AHI1: variants seen among roughly 807,000 people sequenced by gnomAD.
AHI1 encodes the protein jouberin.
In AHI1, 123 loss-of-function variants were observed where a neutral mutation model predicts 149.3. The observed-to-expected ratio is 0.82, with a 90% CI of 0.71 to 0.96. The LOEUF (loss-of-function observed/expected upper bound fraction) is 0.96, where lower values mean the gene tolerates loss of function less well. Among genes scored for constraint, AHI1 ranks in the 40% least tolerant of loss-of-function variants. AHI1 has a pLI of 0.00. For missense variants in AHI1, 1,439 were observed against 1,422.7 expected (o/e 1.01, Z -0.18); for synonymous variants, 475 against 459.8 (o/e 1.03, Z -0.42).
At chr6:135,302,097 T>C in intron 26 of AHI1, 1 of 975,838 alleles carries the variant, frequency 1.0e-6, no homozygotes. Context: ...GCTCAAGCAA[T>C]CCTCCCGCCT....
In AHI1 at chr6:135,284,928, G is replaced by A. The variant is rs551011018; in HGVS notation, c.*717C>T. On this transcript the variant is annotated 3_prime_UTR_variant, in exon 29 of 29. Transcript: ENST00000265602. ...GAGTCTTGCTCTGTCCCCCAGGCTG[G>A]AGTGCAATGGCGTGATCTTGGCTCA... 2 of 152,372 alleles carry A rather than the reference G, an allele frequency of 1.3e-5. No homozygotes were observed. Among genetic ancestry groups the A allele is most frequent in the South Asian group, 4.2e-4 (2 of 4,808 alleles). The allele number at this position is 152,372 out of a possible 1,614,324, so 9.4% of individuals were successfully genotyped here.
intron 23 of AHI1, among the ~76,000 whole-genome samples, chr6:135,380,849 AT>A (rs1776666821): frequency 6.7e-6 from 1 of 150,256 alleles, no homozygotes; most frequent in African/African-American, 2.4e-5. Flanking sequence ...GTGTGAACCC[AT>A]TTTTTCCAGG....
intron 24 of AHI1, among the ~76,000 whole-genome samples, chr6:135,355,626 C>T (rs774279944): frequency 2.0e-5 from 3 of 152,100 alleles, no homozygotes; most frequent in African/African-American, 7.2e-5. Flanking sequence ...ATCGGCTGGG[C>T]GCGGTGGCTC....
chr6:135,419,677 TGGAA>T (rs534363135), intron 20 of AHI1, among the ~76,000 whole-genome samples: 7 of 152,260 alleles, frequency 4.6e-5, no homozygotes, highest in Middle Eastern at 3.4e-3. Flanking sequence ...TTTTTGCTGA[TGGAA>T]GGTCTTGCTT....
chr6:135,341,363 G>T (rs778636222), intron 24 of AHI1, among the ~76,000 whole-genome samples: 27 of 151,784 alleles, frequency 1.8e-4, no homozygotes, highest in Non-Finnish European at 3.4e-4. Context: ...GACAAAGAAG[G>T]ACATTGTATA....
At chr6:135,286,837 T>C (rs999528926) in intron 28 of AHI1, among the ~76,000 whole-genome samples, 1 of 152,056 alleles carries the variant, frequency 6.6e-6, no homozygotes, top group South Asian at 2.1e-4. Context: ...AAGTTGAGTA[T>C]AAAAATGGTA....
chr6:135,392,302 CAAAGA>C (rs1351944637), intron 23 of AHI1, among the ~76,000 whole-genome samples: 1 of 152,096 alleles, frequency 6.6e-6, no homozygotes, highest in African/African-American at 2.4e-5. Flanking sequence ...GAATACAAAT[CAAAGA>C]AGAGAGAAAT....
At position 135,361,648 on chromosome 6, in the gene AHI1, C is replaced by T. The variant is rs59676634; in HGVS notation, c.3110-3461G>A. 0.01 allele frequency among the ~76,000 whole-genome samples: 103 copies of T among 9,848 alleles called. 1 individual carries two copies. In the African/African-American group the frequency reaches 0.13, roughly 12 times the overall value. 6.5% of individuals were successfully genotyped at this position (9,848 alleles called of 152,430 possible). On this transcript the variant is annotated intron_variant, in intron 23 of 28. Coordinates refer to ENST00000265602, the MANE Select transcript of AHI1 (RefSeq NM_001134831.2). ...CAGGAGGTACCTAGGTATGGTTTCACACACACACACACACACACACACACA... is the reference window on the plus strand; with the variant it reads ...CAGGAGGTACCTAGGTATGGTTTCATACACACACACACACACACACACACA...
chr6:135,353,879 G>A (rs779940177), intron 24 of AHI1, among the ~76,000 whole-genome samples: 5 of 152,090 alleles, frequency 3.3e-5, no homozygotes, highest in Non-Finnish European at 7.4e-5. Flanking sequence ...AGAAAACTTT[G>A]AAGAAAGGTA....
chr6:135,362,014 A>G (rs1253400274), intron 23 of AHI1, among the ~76,000 whole-genome samples: 2 of 152,090 alleles, frequency 1.3e-5, no homozygotes, highest in Non-Finnish European at 2.9e-5. Flanking sequence ...CCAAGTCCCC[A>G]AAGTCCTTAG....
At chr6:135,460,774 AAC>A (rs1001997175) in intron 8 of AHI1, among the ~76,000 whole-genome samples, 50 of 152,338 alleles carry the variant, frequency 3.3e-4, no homozygotes, top group African/African-American at 1.2e-3. Context: ...ATCCACATGT[AAC>A]ACAGTCATGT....
intron 23 of AHI1, among the ~76,000 whole-genome samples, chr6:135,394,221 G>C (rs574052466): frequency 2.5e-4 from 38 of 152,116 alleles, no homozygotes; most frequent in African/African-American, 8.4e-4. Flanking sequence ...TTCTCACTTA[G>C]ATGTTTTTCC....
intron 24 of AHI1, among the ~76,000 whole-genome samples, chr6:135,335,374 C>T (rs1214244236): frequency 6.6e-6 from 1 of 150,820 alleles, no homozygotes; most frequent in African/African-American, 2.4e-5. Flanking sequence ...TCTGTTCATC[C>T]AACAACAATC....
intron 19 of AHI1, 79 bp from the exon 20 acceptor site, chr6:135,427,386 A>G: frequency 1.6e-6 from 2 of 1,262,794 alleles, no homozygotes; most frequent in Non-Finnish European, 2.2e-6. Context: ...TTATTCTGCC[A>G]TTTATTAGAA....
Position 135,438,434 on chromosome 6 carries a change from A to T in AHI1, c.1977T>A (p.Asp659Glu), listed in dbSNP as rs762532240. 6.4e-7 allele frequency: 1 copy of T among 1,563,020 alleles called. No homozygotes were observed. The highest frequency in any genetic ancestry group is 1.2e-5 in the South Asian group (1 of 84,562). ...AGTGATCATCTTTTGACCAGGAAAG[A>T]TCATAAATGATATTGAGGTGGCCAC... Reference protein sequence around the residue: ...ELCGHLNIIYDLSWSKDDHYI... With the variant: ...ELCGHLNIIYELSWSKDDHYI... The change falls in exon 15 of 29, where the codon GAT becomes GAA. Residue 659 changes from aspartate to glutamate, a missense_variant. Transcript: ENST00000265602.
intron 5 of AHI1, among the ~76,000 whole-genome samples, chr6:135,471,609 T>C (rs1168254032): frequency 6.6e-6 from 1 of 152,234 alleles, no homozygotes; most frequent in East Asian, 1.9e-4. Flanking sequence ...CCAAATACAT[T>C]TGTTCATTCA....
At chr6:135,472,925 A>G (rs773015863) in intron 5 of AHI1, among the ~76,000 whole-genome samples, 1 of 152,152 alleles carries the variant, frequency 6.6e-6, no homozygotes, top group South Asian at 2.1e-4. Flanking sequence ...ATTTTATCTA[A>G]ACCTATAGCT....
intron 26 of AHI1, among the ~76,000 whole-genome samples, chr6:135,305,647 T>C (rs995856493): frequency 1.3e-5 from 2 of 152,232 alleles, no homozygotes; most frequent in African/African-American, 4.8e-5. Flanking sequence ...TTTCTTTCAG[T>C]AGGCTTTTCC....
intron 28 of AHI1, among the ~76,000 whole-genome samples, chr6:135,286,855 C>T (rs369585858): frequency 6.6e-6 from 1 of 152,098 alleles, no homozygotes. Context: ...GTACAGAATA[C>T]GGCATGCCAA....
Sources: gnomAD v4.1 joint callset for allele counts (sites outside exome capture counted in the v4.1 genomes callset) on GRCh38, gnomAD v4.1.1 for gene constraint, MANE v1.5 for transcripts, NCBI Gene and HGNC (gene_info 2026-07-23, HGNC 2026-07-21) for gene names.